IMMT: variants seen among roughly 807,000 people sequenced by gnomAD.
IMMT encodes inner membrane mitochondrial protein.
A neutral mutation model predicts 92.7 loss-of-function variants in IMMT; 40 were observed. The observed-to-expected ratio is 0.43, with a 90% CI of 0.34 to 0.56. The LOEUF is 0.56. Ranked by LOEUF, IMMT falls within the 20% of genes least tolerant of loss-of-function variation. IMMT has a pLI of 0.03. For missense variants in IMMT, 831 were observed against 912.1 expected (o/e 0.91, Z 1.14); for synonymous variants, 322 against 336.1 (o/e 0.96, Z 0.46).
intron 6 of IMMT, among the ~76,000 whole-genome samples, chr2:86,169,377 C>CA (rs1161995788): frequency 6.6e-6 from 1 of 152,002 alleles, no homozygotes; most frequent in Non-Finnish European, 1.5e-5. Context: ...CAGAAGAATA[C>CA]AAAAAATCAA....
intron 12 of IMMT, among the ~76,000 whole-genome samples, chr2:86,149,916 T>C (rs188037443): frequency 7.0e-5 from 10 of 143,382 alleles, no homozygotes; most frequent in African/African-American, 2.6e-4. Context: ...AAAGAAAAAA[T>C]AGTGGAAGCT....
At chr2:86,152,325 C>T (rs541992962) in intron 11 of IMMT, among the ~76,000 whole-genome samples, 14 of 151,282 alleles carry the variant, frequency 9.3e-5, no homozygotes, top group Admixed American at 2.0e-4. Context: ...CCTGTAATCC[C>T]AGCTACTCGG....
intron 1 of IMMT, among the ~76,000 whole-genome samples, chr2:86,184,892 A>G (rs1672654729): frequency 6.6e-6 from 1 of 152,246 alleles, no homozygotes; most frequent in South Asian, 2.1e-4. Context: ...GTACTTGGCT[A>G]AAGAGTTCCA....
In IMMT at chr2:86,144,291, T is replaced by C; in HGVS notation, c.2254A>G (p.Thr752Ala). Residue 752 changes from threonine (T) to alanine (A), a missense_variant, in exon 15 of 15, where the codon ACC (threonine) becomes GCC (alanine). By Grantham distance (58) the Thr-to-Ala change is moderately conservative. Coordinates refer to ENST00000410111, the MANE Select transcript of IMMT (RefSeq NM_006839.3). ...TAYASAVGIGTTQVQPE is the reference protein window; with the variant it reads ...TAYASAVGIGATQVQPE ...CCTCACTCTGGCTGCACCTGAGTGG[T>C]TCCTATTCCTACGGCGCTGGCATAT... 1 of 1,613,958 alleles carries C rather than the reference T, an allele frequency of 6.2e-7. No homozygotes were observed.
chr2:86,158,301 C>T (rs1455641206), intron 10 of IMMT: 2 of 210,806 alleles, frequency 9.5e-6, no homozygotes, highest in East Asian at 1.9e-4. Flanking sequence ...CACTTTTGTT[C>T]ACTCAAATTC....
chr2:86,162,381 CCAAAAT>C (rs1324551759), intron 7 of IMMT, among the ~76,000 whole-genome samples: 1 of 141,748 alleles, frequency 7.1e-6, no homozygotes, highest in African/African-American at 2.7e-5. Context: ...GATGTACAAA[CCAAAAT>C]CAGAGTTTAA....
chr2:86,162,881 C>T (rs1676397545), intron 7 of IMMT, among the ~76,000 whole-genome samples: 1 of 152,100 alleles, frequency 6.6e-6, no homozygotes, highest in South Asian at 2.1e-4. Flanking sequence ...GCAGATCCAA[C>T]ATGTTTTTCT....
chr2:86,157,015 G>A (rs1675902966), intron 10 of IMMT, among the ~76,000 whole-genome samples: 1 of 152,176 alleles, frequency 6.6e-6, no homozygotes, highest in African/African-American at 2.4e-5. Context: ...TAACCTCAAT[G>A]AGGCACAGAC....
At chr2:86,163,492 A>G (rs1558822889) in intron 7 of IMMT, among the ~76,000 whole-genome samples, 1 of 152,204 alleles carries the variant, frequency 6.6e-6, no homozygotes, top group Non-Finnish European at 1.5e-5. Context: ...TGCTAACATT[A>G]CTGTGGTTTG....
At position 86,159,663 on chromosome 2, in the gene IMMT, A is replaced by G. The variant is rs781420521; in HGVS notation, c.905T>C (p.Leu302Ser). Residue 302 changes from leucine (L) to serine (S), a missense_variant, in exon 9 of 15, where the codon TTA (leucine) becomes TCA (serine). By Grantham distance (145) the Leu-to-Ser change is moderately radical. Coordinates refer to ENST00000410111, the MANE Select transcript of IMMT (RefSeq NM_006839.3). ...ADALLKAKEE[L>S]EKMKSVIENA... The stretch of plus-strand genomic sequence containing the variant: ...TTCAATCACACTTTTCATCTTCTCT[A>G]ACTCTTCTCTGGAAACCAACAAAAC... The G allele has an allele frequency of 6.4e-7, 1 of 1,559,010 alleles. No individual in the cohort carries two copies. The highest frequency in any genetic ancestry group is 8.6e-7 in the Non-Finnish European group (1 of 1,161,072).
At chr2:86,179,653 A>G (rs780452015) in intron 2 of IMMT, 31 bp from the exon 3 acceptor site, 15 of 1,536,622 alleles carry the variant, frequency 9.8e-6, no homozygotes, top group Non-Finnish European at 9.6e-6. Flanking sequence ...ATACATTTAT[A>G]TTTCTTGGCT....
At chr2:86,189,457 ACTC>A (rs1672986861) in intron 1 of IMMT, among the ~76,000 whole-genome samples, 1 of 151,746 alleles carries the variant, frequency 6.6e-6, no homozygotes, top group African/African-American at 2.4e-5. Context: ...CTGGTCTTGA[ACTC>A]CTGACCTCAA....
chr2:86,179,366 A>C (rs1162265842), intron 3 of IMMT, 67 bp downstream of exon 3: 9 of 1,310,544 alleles, frequency 6.9e-6, no homozygotes, highest in Non-Finnish European at 8.2e-6. Flanking sequence ...CTGTATTTTC[A>C]ACATGAAAAC....
chr2:86,187,866 C>T (rs560675084), intron 1 of IMMT, among the ~76,000 whole-genome samples: 11 of 150,782 alleles, frequency 7.3e-5, no homozygotes, highest in Non-Finnish European at 1.3e-4. Context: ...GAGCCGAGAT[C>T]GCGCCACTGC....
At chr2:86,145,855 G>C (rs898619909) in intron 14 of IMMT, among the ~76,000 whole-genome samples, 7 of 152,082 alleles carry the variant, frequency 4.6e-5, no homozygotes, top group African/African-American at 1.7e-4. Context: ...AAATAGCCTT[G>C]TAAATGGTGA....
At chr2:86,186,511 G>T (rs1672781922) in intron 1 of IMMT, among the ~76,000 whole-genome samples, 1 of 152,160 alleles carries the variant, frequency 6.6e-6, no homozygotes, top group South Asian at 2.1e-4. Context: ...ACATAAAAAG[G>T]ATACAGCTTC....
chr2:86,176,980 A>G (rs1174900236), intron 3 of IMMT, among the ~76,000 whole-genome samples: 1 of 152,226 alleles, frequency 6.6e-6, no homozygotes, highest in Non-Finnish European at 1.5e-5. Flanking sequence ...TGGACATTTT[A>G]AAGTCCATAG....
chr2:86,162,126 C>CAT, intron 7 of IMMT, 47 bp from the exon 8 acceptor site: 2 of 1,177,528 alleles, frequency 1.7e-6, no homozygotes, highest in Non-Finnish European at 2.4e-6. Context: ...CTATTATTGT[C>CAT]ATATGATAGG....
At chr2:86,193,003 T>C (rs1051920096) in intron 1 of IMMT, 1 of 154,082 alleles carries the variant, frequency 6.5e-6, no homozygotes, top group Admixed American at 6.6e-5. Flanking sequence ...GACCTCATGT[T>C]TGCCTTTTAA....
Sources: allele counts gnomAD v4.1 joint callset (sites outside exome capture counted in the v4.1 genomes callset), GRCh38; gene constraint gnomAD v4.1.1; transcripts MANE v1.5; gene names NCBI Gene and HGNC (gene_info 2026-07-23, HGNC 2026-07-21).